The following SLC22A3 variants were observed in gnomAD, a reference collection of about 807,000 sequenced individuals.
The protein encoded by SLC22A3 is EMT organic cation transporter 3.
A neutral mutation model predicts 59.1 loss-of-function variants in SLC22A3; 51 were observed. The observed-to-expected ratio is 0.86, with a 90% CI of 0.69 to 1.09. The LOEUF is 1.09. SLC22A3 is among the 50% of genes least tolerant of loss of function. The probability of loss-of-function intolerance (pLI) is 0.00; values close to 1 mark genes in which losing one functional copy is unlikely to be tolerated. For missense variants in SLC22A3, 711 were observed against 726.3 expected (o/e 0.98, Z 0.24); for synonymous variants, 325 against 292.0 (o/e 1.11, Z -1.15).
intron 1 of SLC22A3, among the ~76,000 whole-genome samples, chr6:160,368,803 C>T (rs1339943208): frequency 1.3e-5 from 2 of 152,168 alleles, no homozygotes; most frequent in African/African-American, 4.8e-5. Context: ...CTGTGGCTGG[C>T]GCAGGTAGCT....
chr6:160,404,767 T>C (rs1468829894), intron 2 of SLC22A3, among the ~76,000 whole-genome samples: 3 of 145,802 alleles, frequency 2.1e-5, no homozygotes, highest in African/African-American at 2.6e-5. Context: ...TTCAGTGGAA[T>C]AAAATAGAGG....
At chr6:160,416,791 A>C (rs1280496274) in intron 5 of SLC22A3, among the ~76,000 whole-genome samples, 1 of 152,250 alleles carries the variant, frequency 6.6e-6, no homozygotes, top group East Asian at 1.9e-4. Context: ...CATATGATAG[A>C]CAAGTAATAG....
intron 2 of SLC22A3, among the ~76,000 whole-genome samples, chr6:160,400,688 A>G (rs566606413): frequency 4.3e-4 from 65 of 152,018 alleles, no homozygotes; most frequent in Non-Finnish European, 8.8e-4. Flanking sequence ...ACAGTTGAAG[A>G]GACAGAGTAA....
At chr6:160,400,463 C>T (rs1786724742) in intron 2 of SLC22A3, among the ~76,000 whole-genome samples, 1 of 152,032 alleles carries the variant, frequency 6.6e-6, no homozygotes, top group Non-Finnish European at 1.5e-5. Flanking sequence ...GATAGAGAAG[C>T]ATTTGTGAAG....
intron 5 of SLC22A3, among the ~76,000 whole-genome samples, chr6:160,411,702 A>G (rs985049292): frequency 2.6e-5 from 4 of 152,182 alleles, no homozygotes; most frequent in African/African-American, 4.8e-5. Context: ...TGATCACACC[A>G]CTGCCCTCCA....
rs316238 is a variant in SLC22A3 at position 160,402,863 on chromosome 6, A to G, written c.534-4178A>G. On this transcript the variant is annotated intron_variant, in intron 2 of 10. Coordinates refer to ENST00000275300, the MANE Select transcript of SLC22A3 (RefSeq NM_021977.4). ...TAGTAAACAAAATGAAAATGAAAAC[A>G]CTCAAGACTTTTGGAATGCAACAGA... Among the ~76,000 whole-genome samples, 795 of 151,824 alleles carry G rather than the reference A, an allele frequency of 5.2e-3. 12 individuals are homozygous for G. In the East Asian group the frequency reaches 0.062, roughly 12 times the overall value.
chr6:160,358,377 G>A (rs983169354), intron 1 of SLC22A3, among the ~76,000 whole-genome samples: 1 of 152,212 alleles, frequency 6.6e-6, no homozygotes, highest in African/African-American at 2.4e-5. Flanking sequence ...AACAGATACT[G>A]AGAAAGTTGA....
chr6:160,379,607 T>A (rs1785722688), intron 1 of SLC22A3, among the ~76,000 whole-genome samples: 1 of 152,236 alleles, frequency 6.6e-6, no homozygotes, highest in Non-Finnish European at 1.5e-5. Flanking sequence ...ATTAAACACT[T>A]GGCCCATTTT....
chr6:160,410,583 G>A (rs1356977634), intron 4 of SLC22A3, 146 bp from the exon 5 acceptor site: 2 of 656,520 alleles, frequency 3.0e-6, no homozygotes, highest in South Asian at 1.6e-5. Context: ...GGAATAATCT[G>A]TATTTCAGGG....
intron 1 of SLC22A3, among the ~76,000 whole-genome samples, chr6:160,390,149 A>G (rs1786193067): frequency 3.9e-5 from 6 of 152,222 alleles, no homozygotes; most frequent in Admixed American, 3.9e-4. Flanking sequence ...GAGTAGCCCT[A>G]TTCAGATGGC....
At chr6:160,399,418 T>G (rs975473594) in intron 2 of SLC22A3, among the ~76,000 whole-genome samples, 1 of 152,232 alleles carries the variant, frequency 6.6e-6, no homozygotes, top group African/African-American at 2.4e-5. Context: ...CTGTGTTTTT[T>G]TTCTCTTACT....
intron 5 of SLC22A3, among the ~76,000 whole-genome samples, chr6:160,435,609 T>A (rs1562500251): frequency 6.6e-6 from 1 of 152,204 alleles, no homozygotes; most frequent in Non-Finnish European, 1.5e-5. Context: ...CAAGGTACTA[T>A]CAGTGTGTGT....
intron 9 of SLC22A3, 34 bp from the exon 10 acceptor site, chr6:160,447,685 C>A (rs1391614104): frequency 5.1e-6 from 8 of 1,583,954 alleles, no homozygotes; most frequent in Non-Finnish European, 8.7e-7. Flanking sequence ...GCTGTGTCTT[C>A]CTGGAGCGGT....
chr6:160,412,499 A>G lies in SLC22A3; in HGVS notation c.975+1653A>G, dbSNP rs62440391. 4.3e-3 allele frequency among the ~76,000 whole-genome samples: 653 copies of G among 152,298 alleles called. 2 individuals carry two copies. Among genetic ancestry groups the G allele is most frequent in the Middle Eastern group, 0.014 (4 of 294 alleles). The stretch of plus-strand genomic sequence containing the variant: ...AGTAGGCTCTTTTCCAAAGGTTTCA[A>G]CTGAACAGATGTCACTGGTGCAATG... On this transcript the variant is annotated intron_variant, in intron 5 of 10. Coordinates refer to ENST00000275300, the MANE Select transcript of SLC22A3 (RefSeq NM_021977.4).
chr6:160,370,800 G>A (rs1170838437), intron 1 of SLC22A3, among the ~76,000 whole-genome samples: 1 of 152,132 alleles, frequency 6.6e-6, no homozygotes, highest in Non-Finnish European at 1.5e-5. Flanking sequence ...ACTGTGCAGA[G>A]CTATTAAGTT....
chr6:160,436,917 A>C (rs8187724), intron 6 of SLC22A3, 40 bp downstream of exon 6: 25,040 of 1,610,746 alleles, frequency 0.016, 266 homozygotes, highest in African/African-American at 0.028. Flanking sequence ...CTTGCGTTAA[A>C]TTTACAATAC....
chr6:160,375,547 T>A (rs1391924750), intron 1 of SLC22A3, among the ~76,000 whole-genome samples: 1 of 152,050 alleles, frequency 6.6e-6, no homozygotes. Context: ...AGATACCAAC[T>A]TTTTTATACC....
At chr6:160,373,829 A>C (rs1437527947) in intron 1 of SLC22A3, among the ~76,000 whole-genome samples, 2 of 152,144 alleles carry the variant, frequency 1.3e-5, no homozygotes, top group Admixed American at 6.5e-5. Flanking sequence ...CCACCTACTC[A>C]AGCCTCAGTA....
chr6:160,409,602 C>A, intron 4 of SLC22A3, among the ~76,000 whole-genome samples: 1 of 151,952 alleles, frequency 6.6e-6, no homozygotes, highest in Non-Finnish European at 1.5e-5. Flanking sequence ...GCCACACTGA[C>A]TTCCACAATG....
Sources: allele counts gnomAD v4.1 joint callset (sites outside exome capture counted in the v4.1 genomes callset), GRCh38; gene constraint gnomAD v4.1.1; transcripts MANE v1.5; gene names NCBI Gene and HGNC (gene_info 2026-07-23, HGNC 2026-07-21).